SMIM14: variants seen among roughly 807,000 people sequenced by gnomAD.
SMIM14 encodes small integral membrane protein 14, also known as chromosome 4 open reading frame 34.
A neutral mutation model predicts 12.6 loss-of-function variants in SMIM14; 5 were observed. The observed-to-expected ratio is 0.40, with a 90% CI of 0.21 to 0.83. The LOEUF is 0.83. Among genes scored for constraint, SMIM14 ranks in the 40% least tolerant of loss-of-function variants. The pLI is 0.37. For missense variants in SMIM14, 86 were observed against 119.1 expected, an observed-to-expected ratio of 0.72 and a Z score of 1.29; for synonymous variants, 30 against 40.1, an observed-to-expected ratio of 0.75 and a Z score of 0.95.
At chr4:39,588,103 T>C (rs1713874577) in intron 2 of SMIM14, 1 of 152,254 alleles carries the variant, frequency 6.6e-6, no homozygotes, top group Non-Finnish European at 1.5e-5. Context: ...TCAGCTTCTA[T>C]GTCTTCTAGC....
intron 2 of SMIM14, chr4:39,592,869 T>C (rs548588172): frequency 6.6e-6 from 1 of 152,320 alleles, no homozygotes; most frequent in South Asian, 2.1e-4. Flanking sequence ...GTTGACTCTC[T>C]GAATAGACCA....
intron 2 of SMIM14, among the ~76,000 whole-genome samples, chr4:39,591,944 A>G (rs1714104966): frequency 6.6e-6 from 1 of 152,182 alleles, no homozygotes; most frequent in African/African-American, 2.4e-5. Context: ...CTGTAATCTT[A>G]GCACTTAAGG....
intron 4 of SMIM14, among the ~76,000 whole-genome samples, chr4:39,554,439 C>T (rs1711894987): frequency 6.6e-6 from 1 of 152,160 alleles, no homozygotes; most frequent in South Asian, 2.1e-4. Flanking sequence ...GAAACCCCAT[C>T]TCTACTAAAA....
At chr4:39,628,667 G>T (rs778702400) in intron 1 of SMIM14, among the ~76,000 whole-genome samples, 5 of 138,216 alleles carry the variant, frequency 3.6e-5, no homozygotes, top group Non-Finnish European at 7.9e-5. Flanking sequence ...GGGTGACAAG[G>T]CGAGACTCCG....
chr4:39,564,619 T>G (rs1244323734), intron 3 of SMIM14, among the ~76,000 whole-genome samples: 1 of 152,162 alleles, frequency 6.6e-6, no homozygotes, highest in Non-Finnish European at 1.5e-5. Flanking sequence ...CAGATTAGCG[T>G]TTTTTAGATA....
intron 3 of SMIM14, 29 bp downstream of exon 3, chr4:39,572,386 A>G (rs762149069): frequency 6.4e-7 from 1 of 1,553,102 alleles, no homozygotes; most frequent in East Asian, 2.4e-5. Flanking sequence ...CCCCAATGCC[A>G]TCCTTCCTCC....
chr4:39,611,662 A>G (rs1715040438), intron 1 of SMIM14, among the ~76,000 whole-genome samples: 2 of 152,158 alleles, frequency 1.3e-5, no homozygotes, highest in Admixed American at 1.3e-4. Context: ...GACTCCATCT[A>G]AAAATAATAA....
intron 1 of SMIM14, among the ~76,000 whole-genome samples, chr4:39,619,872 ATATATT>A (rs1715410845): frequency 4.9e-5 from 4 of 82,250 alleles, no homozygotes; most frequent in Admixed American, 2.6e-4. Context: ...ATATATATAT[ATATATT>A]TTTTTTTTTT....
chr4:39,601,018 T>TA (rs1019668568), intron 2 of SMIM14, among the ~76,000 whole-genome samples: 17 of 152,046 alleles, frequency 1.1e-4, no homozygotes, highest in Non-Finnish European at 2.5e-4. Flanking sequence ...AAAAGTTTAT[T>TA]AAAAAAAATT....
rs557001371 is a variant in SMIM14, at chr4:39,605,826, C to T, written c.-35-646G>A. Among the ~76,000 whole-genome samples, 321 of 152,208 alleles carry T rather than the reference C, an allele frequency of 2.1e-3. 1 individual carries two copies. Among genetic ancestry groups the T allele is most frequent in the Non-Finnish European group, 3.7e-3 (251 of 68,004 alleles). On this transcript the variant is annotated intron_variant, in intron 1 of 4. Transcript: ENST00000295958. ...TACGATCTCAGCTCACTGCAACCTC[C>T]GCCTCCTGGGTTCAAGAGATTCTCC...
chr4:39,626,871 C>G (rs900845753), intron 1 of SMIM14, among the ~76,000 whole-genome samples: 1 of 152,146 alleles, frequency 6.6e-6, no homozygotes, highest in African/African-American at 2.4e-5. Context: ...TAAGATTCAT[C>G]CCCCAGGTGG....
intron 1 of SMIM14, among the ~76,000 whole-genome samples, chr4:39,635,752 G>C (rs1716063019): frequency 6.6e-6 from 1 of 152,278 alleles, no homozygotes; most frequent in African/African-American, 2.4e-5. Flanking sequence ...ATTTAGGATA[G>C]TTCATGGCAT....
At chr4:39,624,414 TGA>T (rs766325057) in intron 1 of SMIM14, among the ~76,000 whole-genome samples, 3 of 152,228 alleles carry the variant, frequency 2.0e-5, no homozygotes, top group Non-Finnish European at 4.4e-5. Flanking sequence ...TGTAAAATCC[TGA>T]GCAGGACTCA....
At chr4:39,576,682 ATATTTTTTTTTTTTTTTTTTTTTT>A (rs1560289774) in intron 2 of SMIM14, among the ~76,000 whole-genome samples, 11 of 31,018 alleles carry the variant, frequency 3.5e-4, no homozygotes, top group African/African-American at 1.7e-3. Context: ...ATATATATAT[ATATTTTTTTTTTTTTTTTTTTTTT>A]TTTTTTTTTT....
At chr4:39,579,182 G>A (rs1420470994) in intron 2 of SMIM14, among the ~76,000 whole-genome samples, 1 of 151,962 alleles carries the variant, frequency 6.6e-6, no homozygotes, top group Non-Finnish European at 1.5e-5. Flanking sequence ...GCTGAGGTGG[G>A]AAGATCGCTT....
In SMIM14 at chr4:39,578,952, A is replaced by G. The variant is rs1578327856; in HGVS notation, c.76-6489T>C. Reference sequence around the variant, plus strand: ...ATGGAGGTTGCAGTGAGCCGAGATCATACCACTGCACTCCAGCCTGGGCAA... The same window carrying G: ...ATGGAGGTTGCAGTGAGCCGAGATCGTACCACTGCACTCCAGCCTGGGCAA... On this transcript the variant is annotated intron_variant, in intron 2 of 4. Transcript: ENST00000295958. Among the ~76,000 whole-genome samples, 11 of 150,554 alleles carry G rather than the reference A, an allele frequency of 7.3e-5. No individual in the cohort carries two copies. The South Asian group carries it at 2.3e-3, about 32-fold the overall frequency.
intron 1 of SMIM14, among the ~76,000 whole-genome samples, chr4:39,626,275 G>A (rs184521757): frequency 6.6e-6 from 1 of 152,270 alleles, no homozygotes; most frequent in African/African-American, 2.4e-5. Context: ...TGCAAAAAAG[G>A]TTGGGGACCA....
chr4:39,566,352 C>T (rs1712573238), intron 3 of SMIM14, among the ~76,000 whole-genome samples: 2 of 151,850 alleles, frequency 1.3e-5, no homozygotes, highest in Admixed American at 6.6e-5. Context: ...TGTTAGACAT[C>T]CCAGTGGAAA....
intron 1 of SMIM14, among the ~76,000 whole-genome samples, chr4:39,634,571 G>C (rs1716023823): frequency 6.6e-6 from 1 of 152,078 alleles, no homozygotes; most frequent in Admixed American, 6.6e-5. Context: ...ATAAAGTAGT[G>C]TTCCCAAAAA....
Sources: allele counts gnomAD v4.1 joint callset (sites outside exome capture counted in the v4.1 genomes callset), GRCh38; gene constraint gnomAD v4.1.1; transcripts MANE v1.5; gene names NCBI Gene and HGNC (gene_info 2026-07-23, HGNC 2026-07-21).